SEMA3C: variants seen among roughly 807,000 people sequenced by gnomAD.
SEMA3C encodes semaphorin 3C.
SEMA3C carries 47 observed loss-of-function variants against 89.4 expected under a neutral mutation model. The observed-to-expected ratio is 0.53, with a 90% CI of 0.42 to 0.67. The LOEUF is 0.67. Ranked by LOEUF, SEMA3C falls within the 30% of genes least tolerant of loss-of-function variation. The pLI is 0.00. For missense variants in SEMA3C, 839 were observed against 929.1 expected (o/e 0.90, Z 1.26); for synonymous variants, 310 against 320.2 (o/e 0.97, Z 0.34).
intron 16 of SEMA3C, among the ~76,000 whole-genome samples, chr7:80,750,848 A>G (rs938897163): frequency 2.6e-5 from 4 of 152,140 alleles, no homozygotes; most frequent in African/African-American, 9.7e-5. Flanking sequence ...AAATATGCTT[A>G]ATGCCACAGA....
At chr7:80,884,830 A>C (rs1222737803) in intron 2 of SEMA3C, among the ~76,000 whole-genome samples, 1 of 152,252 alleles carries the variant, frequency 6.6e-6, no homozygotes, top group African/African-American at 2.4e-5. Flanking sequence ...TGTGATAACA[A>C]ATCAAAAACC....
At chr7:80,819,399 A>T (rs1319674196) in intron 4 of SEMA3C, among the ~76,000 whole-genome samples, 1 of 152,238 alleles carries the variant, frequency 6.6e-6, no homozygotes, top group Admixed American at 6.5e-5. Flanking sequence ...ATTAACACAC[A>T]GAAGTTATTT....
At chr7:80,823,814 T>G (rs1269873211) in intron 4 of SEMA3C, among the ~76,000 whole-genome samples, 1 of 152,134 alleles carries the variant, frequency 6.6e-6, no homozygotes, top group South Asian at 2.1e-4. Context: ...TTCATGGATA[T>G]GTTTGACAGC....
At chr7:80,879,003 G>A (rs1791267045) in intron 2 of SEMA3C, among the ~76,000 whole-genome samples, 1 of 152,114 alleles carries the variant, frequency 6.6e-6, no homozygotes, top group African/African-American at 2.4e-5. Flanking sequence ...AATCGGATAA[G>A]GGGTGAAAGT....
chr7:80,846,532 TA>T (rs1790394581), intron 2 of SEMA3C, among the ~76,000 whole-genome samples: 1 of 152,068 alleles, frequency 6.6e-6, no homozygotes, highest in Admixed American at 6.5e-5. Flanking sequence ...AATTTTTGTT[TA>T]TTTGCTCAGC....
chr7:80,784,938 A>G (rs1788768744), intron 12 of SEMA3C, among the ~76,000 whole-genome samples: 1 of 152,212 alleles, frequency 6.6e-6, no homozygotes, highest in Non-Finnish European at 1.5e-5. Flanking sequence ...GCCAACCCAT[A>G]GACTAGATAC....
chr7:80,894,055 C>G (rs1224846814), intron 2 of SEMA3C, among the ~76,000 whole-genome samples: 1 of 152,130 alleles, frequency 6.6e-6, no homozygotes, highest in Non-Finnish European at 1.5e-5. Context: ...CAAGGATAAA[C>G]AATCTACTTT....
At chr7:80,784,754 A>G (rs530845785) in intron 12 of SEMA3C, among the ~76,000 whole-genome samples, 2 of 152,222 alleles carry the variant, frequency 1.3e-5, no homozygotes, top group Non-Finnish European at 2.9e-5. Context: ...ATATTTTAAT[A>G]AAACTTTCTC....
upstream of SEMA3C, chr7:80,919,163 C>G (rs541830770): frequency 4.1e-6 from 4 of 984,688 alleles, no homozygotes; most frequent in Admixed American, 2.5e-4. Flanking sequence ...CGCATCACCA[C>G]CGCGCAGCCC....
At chr7:80,908,798 C>T (rs1303582832) in intron 2 of SEMA3C, among the ~76,000 whole-genome samples, 4 of 152,114 alleles carry the variant, frequency 2.6e-5, no homozygotes, top group African/African-American at 9.7e-5. Context: ...CCTCAGCTTG[C>T]TTGCACTAAA....
At chr7:80,828,439 G>A in intron 3 of SEMA3C, 146 bp downstream of exon 3, 1 of 630,112 alleles carries the variant, frequency 1.6e-6, no homozygotes, top group East Asian at 2.9e-5. Flanking sequence ...TTCAGTCCAT[G>A]AAATAAGTAC....
At chr7:80,791,413 A>G (rs1314717603) in intron 11 of SEMA3C, among the ~76,000 whole-genome samples, 1 of 152,174 alleles carries the variant, frequency 6.6e-6, no homozygotes, top group Admixed American at 6.5e-5. Context: ...CCAGAAACAA[A>G]AACACTATAT....
chr7:80,796,110 C>G (rs538909408), intron 11 of SEMA3C, among the ~76,000 whole-genome samples: 8 of 152,044 alleles, frequency 5.3e-5, no homozygotes, highest in Non-Finnish European at 1.0e-4. Flanking sequence ...TGTACTAACC[C>G]CATTTATATG....
At chr7:80,847,587 T>A (rs1236100442) in intron 2 of SEMA3C, among the ~76,000 whole-genome samples, 1 of 152,202 alleles carries the variant, frequency 6.6e-6, no homozygotes, top group Non-Finnish European at 1.5e-5. Context: ...AGTAGGTTTT[T>A]TTTTCCCCTT....
At chr7:80,749,109 A>G (rs1386019184) in intron 16 of SEMA3C, 81 bp from the exon 17 acceptor site, 4 of 1,342,906 alleles carry the variant, frequency 3.0e-6, no homozygotes, top group African/African-American at 1.5e-5. Context: ...GAAATGCTAT[A>G]TACATGTTTA....
At chr7:80,812,580 T>C (rs959629431) in intron 5 of SEMA3C, among the ~76,000 whole-genome samples, 1 of 152,088 alleles carries the variant, frequency 6.6e-6, no homozygotes, top group Admixed American at 6.5e-5. Flanking sequence ...TTAGGTACCA[T>C]TTGCTCTCAA....
intron 9 of SEMA3C, among the ~76,000 whole-genome samples, chr7:80,801,213 A>G (rs1789199582): frequency 6.6e-6 from 1 of 152,120 alleles, no homozygotes; most frequent in Non-Finnish European, 1.5e-5. Context: ...GCTTCTTTCT[A>G]AATATCCTTT....
At chr7:80,888,492 T>C (rs1467774779) in intron 2 of SEMA3C, among the ~76,000 whole-genome samples, 1 of 151,950 alleles carries the variant, frequency 6.6e-6, no homozygotes, top group Non-Finnish European at 1.5e-5. Flanking sequence ...AAATAGATAA[T>C]AATTACATGG....
At chr7:80,876,056 T>C (rs547356378) in intron 2 of SEMA3C, among the ~76,000 whole-genome samples, 6 of 152,216 alleles carry the variant, frequency 3.9e-5, no homozygotes, top group East Asian at 1.9e-4. Context: ...GGGTGGAAGA[T>C]GTGAACAGAA....
Sources: gnomAD v4.1 joint callset for allele counts (sites outside exome capture counted in the v4.1 genomes callset) on GRCh38, gnomAD v4.1.1 for gene constraint, MANE v1.5 for transcripts, NCBI Gene and HGNC (gene_info 2026-07-23, HGNC 2026-07-21) for gene names.